UBE4A: variants seen among roughly 807,000 people sequenced by gnomAD.
UBE4A encodes ubiquitination factor E4A, also known as ubiquitin conjugation factor E4 A.
In UBE4A, 48 loss-of-function variants were observed where a neutral mutation model predicts 117.9. That is an observed-to-expected ratio of 0.41 (90% confidence interval 0.32 to 0.52). UBE4A has a LOEUF of 0.52. Among genes scored for constraint, UBE4A ranks in the 20% least tolerant of loss-of-function variants. UBE4A has a pLI of 0.33. For missense variants in UBE4A, 1,067 were observed against 1,296.3 expected, an observed-to-expected ratio of 0.82 and a Z score of 2.72; for synonymous variants, 407 against 450.0, an observed-to-expected ratio of 0.90 and a Z score of 1.21.
intron 2 of UBE4A, among the ~76,000 whole-genome samples, chr11:118,368,068 G>A (rs373337317): frequency 4.6e-5 from 7 of 152,236 alleles, no homozygotes; most frequent in African/African-American, 1.7e-4. Context: ...ACAGGGAAAG[G>A]TGTTGGTGCT....
At chr11:118,375,342 G>A in intron 9 of UBE4A, 113 bp downstream of exon 9, 2 of 1,101,450 alleles carry the variant, frequency 1.8e-6, no homozygotes, top group South Asian at 2.2e-5. Context: ...AGATGAGGCA[G>A]AAACGAGCTA....
Position 118,369,440 on chromosome 11 carries a change from A to G in UBE4A, c.313A>G (p.Ser105Gly). Residue 105 changes from serine to glycine, a missense_variant, in exon 4 of 20, where the codon AGC becomes GGC. Physicochemically the swap from Ser to Gly is moderately conservative, Grantham distance 56. Coordinates refer to ENST00000252108, the MANE Select transcript of UBE4A (RefSeq NM_001204077.2). ...TTTCCCAGGTGATCCCAGCTTGAAA[A>G]GCGGGAATGGCATCCCTAGCCGTTG... Reference protein sequence around the residue: ...TLDNSDPSLKSGNGIPSRCVY... With the variant: ...TLDNSDPSLKGGNGIPSRCVY... The G allele has an allele frequency of 6.2e-7, 1 of 1,614,144 alleles. No individual in the cohort carries two copies. The highest frequency in any genetic ancestry group is 8.5e-7 in the Non-Finnish European group (1 of 1,179,970).
chr11:118,390,368 AAT>A (rs1398348695), intron 17 of UBE4A, among the ~76,000 whole-genome samples: 1 of 145,954 alleles, frequency 6.9e-6, no homozygotes, highest in African/African-American at 2.5e-5. Flanking sequence ...ATATATATTA[AAT>A]ATATAATATA....
chr11:118,372,154 C>G (rs1948615003), intron 5 of UBE4A, among the ~76,000 whole-genome samples: 1 of 152,182 alleles, frequency 6.6e-6, no homozygotes. Context: ...ACTCAGGAGG[C>G]TGAGGCAGGA....
intron 10 of UBE4A, 23 bp from the exon 11 acceptor site, chr11:118,379,423 C>A: frequency 6.2e-7 from 1 of 1,604,028 alleles, no homozygotes; most frequent in South Asian, 1.1e-5. Flanking sequence ...CTGACCCAGT[C>A]TCTTCTGCTT....
intron 2 of UBE4A, among the ~76,000 whole-genome samples, chr11:118,366,012 C>G (rs3930315): frequency 3.6e-4 from 54 of 150,102 alleles, no homozygotes; most frequent in Non-Finnish European, 6.5e-4. Context: ...TAGTGTTTTT[C>G]TTTTGAGAGA....
chr11:118,390,424 TATA>T (rs1329440751), intron 17 of UBE4A, among the ~76,000 whole-genome samples: 4 of 146,282 alleles, frequency 2.7e-5, no homozygotes, highest in African/African-American at 5.0e-5. Context: ...TTTTATATAA[TATA>T]ATTTTATATA....
At chr11:118,364,969 A>G (rs962659472) in intron 1 of UBE4A, 71 bp from the exon 2 acceptor site, 2 of 1,272,248 alleles carry the variant, frequency 1.6e-6, no homozygotes, top group African/African-American at 3.1e-5. Flanking sequence ...ATGGGAAAAG[A>G]AACAACCACA....
chr11:118,382,635 G>A lies in UBE4A; in HGVS notation c.2056G>A (p.Ala686Thr), dbSNP rs782356501. 26 of 1,591,796 alleles carry A rather than the reference G, an allele frequency of 1.6e-5. No homozygotes were observed. The highest frequency in any genetic ancestry group is 2.1e-5 in the Non-Finnish European group (24 of 1,166,086). The stretch of plus-strand genomic sequence containing the variant: ...GGCCAAACTAGCAGAGGTGTTGGAA[G>A]CAGTGATGCCCCACCTGGATCAGAC... Reference protein sequence around the residue: ...LRAKLAEVLEAVMPHLDQTPN... With the variant: ...LRAKLAEVLETVMPHLDQTPN... The change falls in exon 13 of 20, where the codon GCA (alanine) becomes ACA (threonine). Residue 686 changes from alanine to threonine, a missense_variant. Transcript: ENST00000252108.
intron 4 of UBE4A, among the ~76,000 whole-genome samples, chr11:118,369,738 C>G (rs1166535165): frequency 6.7e-6 from 1 of 149,898 alleles, no homozygotes; most frequent in African/African-American, 2.5e-5. Context: ...ATCTTTTCAT[C>G]TACCATGGCC....
At position 118,398,246 on chromosome 11, in the gene UBE4A, C is replaced by T. The variant is rs1425613845; in HGVS notation, c.*1806C>T. ...CAAAAACTCAGAAGGCAGCTATTCCCAGCAGCTTCCTAGTTAACAACCCCC... is the reference window on the plus strand; with the variant it reads ...CAAAAACTCAGAAGGCAGCTATTCCTAGCAGCTTCCTAGTTAACAACCCCC... On this transcript the variant is annotated 3_prime_UTR_variant, in exon 20 of 20. Coordinates refer to ENST00000252108, the MANE Select transcript of UBE4A (RefSeq NM_001204077.2). The T allele has an allele frequency of 6.6e-6, 1 of 152,468 alleles. No individual in the cohort carries two copies. Among genetic ancestry groups the T allele is most frequent in the Non-Finnish European group, 1.5e-5 (1 of 68,032 alleles). The allele number at this position is 152,468 out of a possible 1,614,324, so 9.4% of individuals were successfully genotyped here.
intron 2 of UBE4A, among the ~76,000 whole-genome samples, chr11:118,367,321 T>G (rs1175956301): frequency 6.6e-6 from 1 of 151,888 alleles, no homozygotes. Flanking sequence ...ACAAAAGATG[T>G]GACATGCAAC....
rs1555128825 is a variant in UBE4A, at chr11:118,392,815, C to G, written c.2994C>G (p.Ser998Arg). Residue 998 changes from serine (S) to arginine (R), a missense_variant, in exon 19 of 20, where the codon AGC (serine) becomes AGG (arginine). By Grantham distance (110) the Ser-to-Arg change is moderately radical. Transcript: ENST00000252108. ...ACDEFLDPIM[S>R]TLMCDPVVLP... is the part of the protein sequence containing the mutation. ...ATGAGTTCCTGGATCCCATTATGAGCACACTGATGTGTGACCCTGTGGTGC... is the reference window on the plus strand; with the variant it reads ...ATGAGTTCCTGGATCCCATTATGAGGACACTGATGTGTGACCCTGTGGTGC... 1.2e-6 allele frequency: 2 copies of G among 1,614,138 alleles called. No individual in the cohort carries two copies. The highest frequency in any genetic ancestry group is 8.5e-7 in the Non-Finnish European group (1 of 1,180,010).
chr11:118,369,799 A>C (rs550685457), intron 4 of UBE4A, among the ~76,000 whole-genome samples: 1 of 152,256 alleles, frequency 6.6e-6, no homozygotes, highest in Non-Finnish European at 1.5e-5. Context: ...TGCCTTCTTA[A>C]TTACAAAGCC....
chr11:118,390,470 TATAAATA>T (rs1410221487), intron 17 of UBE4A, among the ~76,000 whole-genome samples, 180 bp from the exon 18 acceptor site: 8 of 145,616 alleles, frequency 5.5e-5, no homozygotes, highest in Middle Eastern at 3.6e-3. Context: ...ATTTTATTAT[TATAAATA>T]ATAAATAATA....
rs540951735 is a variant in UBE4A, at chr11:118,377,888, G to C, written c.1571+1194G>C. Among the ~76,000 whole-genome samples, 4 of 148,096 alleles carry C rather than the reference G, an allele frequency of 2.7e-5. No homozygotes were observed. The South Asian group carries it at 8.9e-4, about 33-fold the overall frequency. ...AGATTGCGCCACTGCACTCCAGCCT[G>C]GGCAACATAGTGAAACCCTGTCTCA... is the stretch of plus-strand genomic sequence containing the variant. On this transcript the variant is annotated intron_variant, in intron 10 of 19. Transcript: ENST00000252108.
chr11:118,380,637 C>T (rs1425429720), intron 11 of UBE4A, among the ~76,000 whole-genome samples: 2 of 152,102 alleles, frequency 1.3e-5, no homozygotes, highest in Non-Finnish European at 2.9e-5. Context: ...AGCTCACTCA[C>T]CTGCATTGTT....
At position 118,382,610 on chromosome 11, in the gene UBE4A, G is replaced by A. The variant is rs138507481; in HGVS notation, c.2031G>A (p.Arg677=). The change falls in exon 13 of 20, where the codon AGG becomes AGA. Residue 677 remains arginine (R), a synonymous_variant. Coordinates refer to ENST00000252108, the MANE Select transcript of UBE4A (RefSeq NM_001204077.2). ...GCAGAATGAAGAATCCCCACCTGAG[G>A]GCCAAACTAGCAGAGGTGTTGGAAG... The part of the protein sequence containing the change: ...SIERMKNPHL[R]AKLAEVLEAV... 1.7e-4 allele frequency: 273 copies of A among 1,561,444 alleles called. No individual in the cohort carries two copies. In the African/African-American group the frequency reaches 3.4e-3, roughly 20 times the overall value.
intron 17 of UBE4A, among the ~76,000 whole-genome samples, chr11:118,390,232 G>A (rs1247485903): frequency 6.6e-6 from 1 of 151,628 alleles, no homozygotes; most frequent in Non-Finnish European, 1.5e-5. Context: ...GAGATTTCCA[G>A]TATTCTGCTT....
Sources: gnomAD v4.1 joint callset for allele counts (sites outside exome capture counted in the v4.1 genomes callset) on GRCh38, gnomAD v4.1.1 for gene constraint, MANE v1.5 for transcripts, NCBI Gene and HGNC (gene_info 2026-07-23, HGNC 2026-07-21) for gene names.